Variants in PAPOLG observed in about 807,000 individuals in gnomAD.
The protein encoded by PAPOLG is poly(A) polymerase gamma.
Under a neutral mutation model 99.0 loss-of-function variants are expected in PAPOLG, and 40 were observed. The ratio of observed to expected loss-of-function variants is 0.40; its 90% CI spans 0.31 to 0.53. PAPOLG has a LOEUF of 0.53. PAPOLG is among the 20% of genes least tolerant of loss of function. The pLI is 0.41. For missense variants in PAPOLG, 675 were observed against 884.1 expected (o/e 0.76, Z 3.00); for synonymous variants, 310 against 299.3 (o/e 1.04, Z -0.37).
chr2:60,791,759 A>G lies in PAPOLG; in HGVS notation c.1397-2A>G. The stretch of plus-strand genomic sequence containing the variant: ...CCATTTAACATATTAACATTGTTAC[A>G]GTGTACAGACAGGCAAACAATATAA... On this transcript the variant is annotated splice_acceptor_variant, in intron 15 of 21. Coordinates refer to ENST00000238714, the MANE Select transcript of PAPOLG (RefSeq NM_022894.4). LOFTEE classifies it high-confidence loss of function. 6.3e-7 allele frequency: 1 copy of G among 1,599,582 alleles called. No homozygotes were observed.
rs186773477 is a variant in PAPOLG, at chr2:60,776,491, G to A, written c.694+1368G>A. Among the ~76,000 whole-genome samples, 206 of 143,086 alleles carry A rather than the reference G, an allele frequency of 1.4e-3. 2 individuals are homozygous for A. Among genetic ancestry groups the A allele is most frequent in the African/African-American group, 5.0e-3 (187 of 37,612 alleles). 93.9% of individuals were successfully genotyped at this position (143,086 alleles called of 152,430 possible). The stretch of plus-strand genomic sequence containing the variant: ...CGCCCAGGCTGGAGTGCAGTGGCGC[G>A]ATCTCAGCTCACGGCAACCACCGCC... On this transcript the variant is annotated intron_variant, in intron 8 of 21. Coordinates refer to ENST00000238714, the MANE Select transcript of PAPOLG (RefSeq NM_022894.4).
chr2:60,770,833 C>G (rs910555596), intron 6 of PAPOLG, among the ~76,000 whole-genome samples: 1 of 152,104 alleles, frequency 6.6e-6, no homozygotes, highest in African/African-American at 2.4e-5. Context: ...CCGTGTTAGC[C>G]AGGATGGTCT....
intron 15 of PAPOLG, among the ~76,000 whole-genome samples, 196 bp downstream of exon 15, chr2:60,787,816 C>T (rs1671411130): frequency 6.6e-6 from 1 of 152,138 alleles, no homozygotes; most frequent in African/African-American, 2.4e-5. Context: ...CTTTGGGAGG[C>T]AGAGGCGGGC....
chr2:60,768,060 A>G lies in PAPOLG; in HGVS notation c.247-410A>G, dbSNP rs368981267. On this transcript the variant is annotated intron_variant, in intron 3 of 21. Transcript: ENST00000238714. ...CTTGACAAGGTTGGCAAATCTAATC[A>G]TGTATCATTTGCTCAATAAAGGTCA... is the stretch of plus-strand genomic sequence containing the variant. Among the ~76,000 whole-genome samples the G allele has an allele frequency of 4.6e-5, 7 of 152,286 alleles. No homozygotes were observed. In the South Asian group the frequency reaches 8.3e-4, roughly 18 times the overall value.
chr2:60,760,279 G>A lies in PAPOLG; in HGVS notation c.163G>A (p.Glu55Lys), dbSNP rs1158033544. Residue 55 changes from glutamate (E) to lysine (K), a missense_variant, in exon 2 of 22, where the codon GAA becomes AAA. Transcript: ENST00000238714. The part of the protein sequence containing the change: ...MKPFGVFEDE[E>K]ELNHRLVVLG... ...ACCATTTGGAGTGTTTGAAGATGAG[G>A]AAGAATTGAACCACAGGTATGTCAT... 4 of 1,612,828 alleles carry A rather than the reference G, an allele frequency of 2.5e-6. No individual in the cohort carries two copies. Among genetic ancestry groups the A allele is most frequent in the Non-Finnish European group, 2.5e-6 (3 of 1,179,246 alleles).
At chr2:60,794,882 C>T (rs1243481497) in intron 20 of PAPOLG, 82 bp from the exon 21 acceptor site, 59 of 1,574,124 alleles carry the variant, frequency 3.7e-5, no homozygotes, top group Admixed American at 1.1e-4. Flanking sequence ...TTCAGGTTTT[C>T]GTTAGGTTTT....
In PAPOLG at chr2:60,797,055, C is replaced by G; in HGVS notation, c.2113-7C>G. 6.2e-7 allele frequency: 1 copy of G among 1,611,714 alleles called. No homozygotes were observed. Among genetic ancestry groups the G allele is most frequent in the Non-Finnish European group, 8.5e-7 (1 of 1,177,946 alleles). The stretch of plus-strand genomic sequence containing the variant: ...TTCCTTTTTTGTTTCCTCTTTCTTT[C>G]TAATAGAGACTACCCAGTAAAGAAC... On this transcript the variant is annotated splice_polypyrimidine_tract_variant and splice_region_variant and intron_variant, in intron 21 of 21. Coordinates refer to ENST00000238714, the MANE Select transcript of PAPOLG (RefSeq NM_022894.4).
intron 3 of PAPOLG, 38 bp from the exon 4 acceptor site, chr2:60,768,432 T>G: frequency 6.2e-7 from 1 of 1,603,760 alleles, no homozygotes; most frequent in Middle Eastern, 1.7e-4. Flanking sequence ...GCTAAATAAT[T>G]TGAATAATTG....
At chr2:60,765,416 A>C (rs1228225910) in intron 3 of PAPOLG, among the ~76,000 whole-genome samples, 1 of 150,516 alleles carries the variant, frequency 6.6e-6, no homozygotes. Flanking sequence ...GATTTTAAAA[A>C]AAAAAGTGAC....
At position 60,787,082 on chromosome 2, in the gene PAPOLG, TATA is replaced by T; in HGVS notation, c.1286+20_1286+22del. The T allele has an allele frequency of 2.6e-6, 4 of 1,546,238 alleles. No homozygotes were observed. Among genetic ancestry groups the T allele is most frequent in the Non-Finnish European group, 3.5e-6 (4 of 1,141,368 alleles). On this transcript the variant is annotated intron_variant, in intron 14 of 21. Transcript: ENST00000238714. ...ATCATAAAGAGTAAGTTAATTGTTTTATAATACTTTATTTCTTAAATAATGTTA... is the reference window on the plus strand; with the variant it reads ...ATCATAAAGAGTAAGTTAATTGTTTTATACTTTATTTCTTAAATAATGTTA...
At chr2:60,767,873 A>T (rs201634500) in intron 3 of PAPOLG, among the ~76,000 whole-genome samples, 1 of 152,210 alleles carries the variant, frequency 6.6e-6, no homozygotes, top group African/African-American at 2.4e-5. Context: ...AGGCAGTTGG[A>T]GGGGACAAGT....
rs1671795263 is a variant in PAPOLG at position 60,799,278 on chromosome 2, T to C, written c.*2118T>C. The C allele has an allele frequency of 6.6e-6, 1 of 152,376 alleles. No individual in the cohort carries two copies. The highest frequency in any genetic ancestry group is 2.4e-5 in the African/African-American group (1 of 41,472). The allele number at this position is 152,376 out of a possible 1,614,324, so 9.4% of individuals were successfully genotyped here. ...TGGAGTGACTAGTGGAGTTTTTCTT[T>C]AATAAGGAAGCAACAAGTCTAACCT... is the stretch of plus-strand genomic sequence containing the variant. On this transcript the variant is annotated 3_prime_UTR_variant, in exon 22 of 22. Coordinates refer to ENST00000238714, the MANE Select transcript of PAPOLG (RefSeq NM_022894.4).
At position 60,780,277 on chromosome 2, in the gene PAPOLG, C is replaced by CTTT. The variant is rs530213712; in HGVS notation, c.834-415_834-413dup. Among the ~76,000 whole-genome samples the CTTT allele has an allele frequency of 4.1e-4, 56 of 136,026 alleles. 1 individual carries two copies. Among genetic ancestry groups the CTTT allele is most frequent in the African/African-American group, 1.4e-3 (51 of 37,156 alleles). The allele number at this position is 136,026 out of a possible 152,430, so 89.2% of individuals were successfully genotyped here. On this transcript the variant is annotated intron_variant, in intron 9 of 21. Coordinates refer to ENST00000238714, the MANE Select transcript of PAPOLG (RefSeq NM_022894.4). ...TCCTTTGTATACTTTCTTACCTAGCCTTTTTTTTTTTTTTTTTAATTGAGA... is the reference window on the plus strand; with the variant it reads ...TCCTTTGTATACTTTCTTACCTAGCCTTTTTTTTTTTTTTTTTTTTAATTGAGA...
chr2:60,764,313 G>C (rs1670609451), intron 3 of PAPOLG, among the ~76,000 whole-genome samples: 1 of 152,036 alleles, frequency 6.6e-6, no homozygotes, highest in Non-Finnish European at 1.5e-5. Context: ...CTGTTTAAAA[G>C]AAAGCCCACT....
In PAPOLG at chr2:60,797,319, G is replaced by T; in HGVS notation, c.*159G>T. ...AGTGGTTTTTGAACTGTCAAACTTT[G>T]ACCTGTAGATGCTGTAGCATTCTCT... On this transcript the variant is annotated 3_prime_UTR_variant, in exon 22 of 22. Transcript: ENST00000238714. The T allele has an allele frequency of 1.2e-6, 1 of 820,726 alleles. No individual in the cohort carries two copies. Among genetic ancestry groups the T allele is most frequent in the East Asian group, 2.7e-5 (1 of 37,470 alleles). 50.8% of individuals were successfully genotyped at this position (820,726 alleles called of 1,614,324 possible).
chr2:60,758,020 C>G (rs141488455), intron 1 of PAPOLG, among the ~76,000 whole-genome samples: 143 of 152,304 alleles, frequency 9.4e-4, no homozygotes, highest in African/African-American at 3.3e-3. Flanking sequence ...AGTTCAGATT[C>G]TGGCTTGTCC....
intron 13 of PAPOLG, among the ~76,000 whole-genome samples, chr2:60,784,998 G>A (rs1040898052): frequency 2.6e-5 from 4 of 152,108 alleles, no homozygotes; most frequent in Non-Finnish European, 5.9e-5. Context: ...TTCTTGTAAT[G>A]TTTCTAATTC....
At chr2:60,783,499 C>A (rs955275823) in intron 13 of PAPOLG, among the ~76,000 whole-genome samples, 2 of 84,798 alleles carry the variant, frequency 2.4e-5, no homozygotes, top group Admixed American at 1.2e-4. Context: ...CTTTACCCGG[C>A]CTTTTTTTTT....
chr2:60,767,922 A>G (rs1670730515), intron 3 of PAPOLG, among the ~76,000 whole-genome samples: 1 of 152,186 alleles, frequency 6.6e-6, no homozygotes, highest in Admixed American at 6.5e-5. Flanking sequence ...TTCTTCAGAT[A>G]GGGATGTATG....
Sources: allele counts gnomAD v4.1 joint callset (sites outside exome capture counted in the v4.1 genomes callset), GRCh38; gene constraint gnomAD v4.1.1; transcripts MANE v1.5; gene names NCBI Gene and HGNC (gene_info 2026-07-23, HGNC 2026-07-21).